The following PRKG1 variants were observed in gnomAD, a reference collection of about 807,000 sequenced individuals.
The protein encoded by PRKG1 is cGMP-dependent protein kinase 1.
A neutral mutation model predicts 88.1 loss-of-function variants in PRKG1; 35 were observed. The observed-to-expected ratio is 0.40, with a 90% CI of 0.30 to 0.53. The LOEUF is 0.53. Ranked by LOEUF, PRKG1 falls within the 20% of genes least tolerant of loss-of-function variation. The pLI is 0.59. For missense variants in PRKG1, 540 were observed against 839.8 expected (o/e 0.64, Z 4.41); for synonymous variants, 303 against 292.5 (o/e 1.04, Z -0.37).
rs188574428 is a variant in PRKG1, at chr10:52,067,771, G to A, written c.935+5140G>A. Among the ~76,000 whole-genome samples, 233 of 151,012 alleles carry A rather than the reference G, an allele frequency of 1.5e-3. 2 individuals are homozygous for A. The highest frequency in any genetic ancestry group is 1.2e-3 in the Non-Finnish European group (78 of 67,718). ...AAGTGTTTATACACACCAAAGAGAG[G>A]GTAAAATGTTTACTTTTTACAGAAG... On this transcript the variant is annotated intron_variant, in intron 7 of 17. Coordinates refer to ENST00000373980, the MANE Select transcript of PRKG1 (RefSeq NM_006258.4).
intron 2 of PRKG1, among the ~76,000 whole-genome samples, chr10:51,303,170 C>T (rs868593759): frequency 1.3e-5 from 2 of 152,088 alleles, no homozygotes; most frequent in Non-Finnish European, 2.9e-5. Context: ...AAGATATTAA[C>T]AAAATACCAT....
chr10:51,272,556 G>A (rs1347894943), intron 2 of PRKG1, among the ~76,000 whole-genome samples: 3 of 152,000 alleles, frequency 2.0e-5, no homozygotes, highest in Non-Finnish European at 4.4e-5. Context: ...CCACTTTAAG[G>A]TTATAAAGAA....
chr10:51,028,243 T>C (rs1367585426), intron 1 of PRKG1, among the ~76,000 whole-genome samples: 1 of 152,200 alleles, frequency 6.6e-6, no homozygotes, highest in Non-Finnish European at 1.5e-5. Flanking sequence ...AAAAATATCT[T>C]TGAGGAAGCC....
intron 3 of PRKG1, among the ~76,000 whole-genome samples, chr10:51,722,464 G>T (rs912937182): frequency 4.0e-5 from 6 of 151,470 alleles, no homozygotes; most frequent in Non-Finnish European, 8.8e-5. Context: ...ATATTTATTT[G>T]TTTTATATTA....
At chr10:52,009,282 C>G (rs1844820728) in intron 5 of PRKG1, among the ~76,000 whole-genome samples, 1 of 152,088 alleles carries the variant, frequency 6.6e-6, no homozygotes, top group African/African-American at 2.4e-5. Flanking sequence ...CCCATTGTTT[C>G]TGCCCCAAAG....
At chr10:52,180,762 C>T (rs2132727275) in intron 9 of PRKG1, among the ~76,000 whole-genome samples, 1 of 152,262 alleles carries the variant, frequency 6.6e-6, no homozygotes, top group South Asian at 2.1e-4. Context: ...GGAGCATGTA[C>T]ATGCGCACGG....
Position 51,317,401 on chromosome 10 carries a change from C to T in PRKG1, c.479-150322C>T, listed in dbSNP as rs189888174. 1.3e-4 allele frequency among the ~76,000 whole-genome samples: 20 copies of T among 152,202 alleles called. No homozygotes were observed. The East Asian group carries it at 3.5e-3, about 26-fold the overall frequency. ...TTTTAAGATTAAAATTAGTAACCCCCAATTTTACTGAAATAACAGGAGCTA... is the reference window on the plus strand; with the variant it reads ...TTTTAAGATTAAAATTAGTAACCCCTAATTTTACTGAAATAACAGGAGCTA... On this transcript the variant is annotated intron_variant, in intron 2 of 17. Transcript: ENST00000373980.
chr10:51,182,402 T>C (rs1043993942), intron 2 of PRKG1, among the ~76,000 whole-genome samples: 1 of 152,202 alleles, frequency 6.6e-6, no homozygotes, highest in African/African-American at 2.4e-5. Flanking sequence ...GGTTCCTGTA[T>C]CCCAGGGCAG....
chr10:51,998,334 G>T (rs1408181654), intron 5 of PRKG1, among the ~76,000 whole-genome samples: 2 of 151,874 alleles, frequency 1.3e-5, no homozygotes, highest in East Asian at 1.9e-4. Flanking sequence ...TCGTGTGGGA[G>T]CTCCATTCAC....
At chr10:51,336,164 C>A (rs974759512) in intron 2 of PRKG1, among the ~76,000 whole-genome samples, 2 of 152,026 alleles carry the variant, frequency 1.3e-5, no homozygotes, top group South Asian at 4.2e-4. Context: ...ACCAGCCTGG[C>A]CAACATGGAG....
At chr10:51,039,718 A>G (rs1843395750) in intron 1 of PRKG1, among the ~76,000 whole-genome samples, 1 of 152,170 alleles carries the variant, frequency 6.6e-6, no homozygotes, top group Non-Finnish European at 1.5e-5. Flanking sequence ...TAGTAGTCAC[A>G]TAGTTTGAGG....
chr10:51,240,874 G>C (rs1467043782), intron 2 of PRKG1, among the ~76,000 whole-genome samples: 3 of 152,198 alleles, frequency 2.0e-5, no homozygotes, highest in Non-Finnish European at 2.9e-5. Context: ...GCCTAGGCTT[G>C]AAGTGGATCT....
At chr10:51,130,559 A>G (rs1261448605) in intron 1 of PRKG1, among the ~76,000 whole-genome samples, 2 of 152,086 alleles carry the variant, frequency 1.3e-5, no homozygotes, top group Non-Finnish European at 2.9e-5. Context: ...CAGAAAAATA[A>G]ATTCCATCTA....
intron 1 of PRKG1, among the ~76,000 whole-genome samples, chr10:51,028,390 G>A (rs1843236908): frequency 6.6e-6 from 1 of 152,086 alleles, no homozygotes; most frequent in South Asian, 2.1e-4. Flanking sequence ...GTTGAGTGGC[G>A]CTGTTTTCAC....
At chr10:52,051,808 A>T (rs1359644444) in intron 5 of PRKG1, among the ~76,000 whole-genome samples, 1 of 152,204 alleles carries the variant, frequency 6.6e-6, no homozygotes, top group Non-Finnish European at 1.5e-5. Flanking sequence ...GAGGAAAAGA[A>T]GAGAAGTTGG....
chr10:51,057,237 A>G (rs1843636766), intron 1 of PRKG1, among the ~76,000 whole-genome samples: 1 of 152,210 alleles, frequency 6.6e-6, no homozygotes, highest in South Asian at 2.1e-4. Context: ...GTCAGGATAT[A>G]TATCTAATTA....
chr10:51,338,395 G>A (rs543986925), intron 2 of PRKG1, among the ~76,000 whole-genome samples: 1 of 152,244 alleles, frequency 6.6e-6, no homozygotes, highest in Non-Finnish European at 1.5e-5. Flanking sequence ...TCCTGCACAT[G>A]TACCCTGGAA....
At chr10:52,243,169 C>T (rs1840911675) in intron 9 of PRKG1, among the ~76,000 whole-genome samples, 2 of 152,204 alleles carry the variant, frequency 1.3e-5, no homozygotes, top group South Asian at 4.2e-4. Context: ...GCAGGAACCA[C>T]GTTGTAGGCA....
intron 2 of PRKG1, among the ~76,000 whole-genome samples, chr10:51,198,126 G>A (rs548840526): frequency 1.1e-4 from 17 of 152,238 alleles, no homozygotes; most frequent in Middle Eastern, 3.4e-3. Flanking sequence ...TTGCAAGTCA[G>A]TAGTCACAGT....
Sources: gnomAD v4.1 joint callset for allele counts (sites outside exome capture counted in the v4.1 genomes callset) on GRCh38, gnomAD v4.1.1 for gene constraint, MANE v1.5 for transcripts, NCBI Gene and HGNC (gene_info 2026-07-23, HGNC 2026-07-21) for gene names.